The following ITGA1 variants were observed in gnomAD, a reference collection of about 807,000 sequenced individuals.
ITGA1 encodes the protein integrin subunit alpha 1, also known as integrin alpha-1.
In ITGA1, 85 loss-of-function variants were observed where a neutral mutation model predicts 145.9. The ratio of observed to expected loss-of-function variants is 0.58; its 90% CI spans 0.49 to 0.70. The LOEUF (loss-of-function observed/expected upper bound fraction) is 0.70. ITGA1 is among the 30% of genes least tolerant of loss of function. The pLI is 0.00. For missense variants in ITGA1, 1,351 were observed against 1,418.7 expected (o/e 0.95, Z 0.77); for synonymous variants, 520 against 495.3 (o/e 1.05, Z -0.66).
In ITGA1 at chr5:52,909,055, A is replaced by T. The variant is rs1750457604; in HGVS notation, c.1599+14A>T. The T allele has an allele frequency of 6.3e-7, 1 of 1,597,528 alleles. No individual in the cohort carries two copies. The highest frequency in any genetic ancestry group is 8.5e-7 in the Non-Finnish European group (1 of 1,175,470). ...GCTCTCAATCAGGTAATGGTGTCTGAGTTTGGTAGAAATCCAGGAAAATCT... is the reference window on the plus strand; with the variant it reads ...GCTCTCAATCAGGTAATGGTGTCTGTGTTTGGTAGAAATCCAGGAAAATCT... On this transcript the variant is annotated intron_variant, in intron 13 of 28. Transcript: ENST00000282588.
At position 52,955,491 on chromosome 5, in the gene ITGA1, A is replaced by G. The variant is rs912180325; in HGVS notation, c.*3040A>G. On this transcript the variant is annotated 3_prime_UTR_variant, in exon 29 of 29. Coordinates refer to ENST00000282588, the MANE Select transcript of ITGA1 (RefSeq NM_181501.2). ...CAAAAGTACTGATTATATCAAGCCC[A>G]GTAAACATAATGCTACACAGCACCC... 5 of 152,228 alleles carry G rather than the reference A, an allele frequency of 3.3e-5. No individual in the cohort carries two copies. The highest frequency in any genetic ancestry group is 1.2e-4 in the African/African-American group (5 of 41,458). 9.4% of individuals were successfully genotyped at this position (152,228 alleles called of 1,614,324 possible).
chr5:52,888,182 T>C (rs1031880550), intron 8 of ITGA1, among the ~76,000 whole-genome samples: 3 of 141,848 alleles, frequency 2.1e-5, no homozygotes, highest in African/African-American at 7.9e-5. Context: ...CAAACAATCA[T>C]TGAAAGGAAG....
At chr5:52,815,650 A>G (rs776656753) in intron 1 of ITGA1, among the ~76,000 whole-genome samples, 43 of 152,174 alleles carry the variant, frequency 2.8e-4, no homozygotes, top group Non-Finnish European at 1.5e-4. Flanking sequence ...CTCCTTCCCT[A>G]TGTTTGGAAA....
intron 1 of ITGA1, chr5:52,801,705 C>T (rs374093472): frequency 4.3e-6 from 7 of 1,614,030 alleles, no homozygotes; most frequent in Non-Finnish European, 5.9e-6. Flanking sequence ...AGAATGCAGG[C>T]ACCGTTAGGA....
At chr5:52,799,615 C>G (rs1308220564) in intron 1 of ITGA1, among the ~76,000 whole-genome samples, 3 of 152,206 alleles carry the variant, frequency 2.0e-5, no homozygotes, top group Non-Finnish European at 2.9e-5. Flanking sequence ...CAGCTGGACA[C>G]GTTGCTGGGA....
intron 8 of ITGA1, 85 bp downstream of exon 8, chr5:52,888,050 C>A: frequency 1.5e-6 from 2 of 1,377,180 alleles, no homozygotes; most frequent in Non-Finnish European, 2.0e-6. Flanking sequence ...GAAAGTCACA[C>A]AAACCAGGTT....
At position 52,922,099 on chromosome 5, in the gene ITGA1, G is replaced by A. The variant is rs138335549; in HGVS notation, c.2293-678G>A. On this transcript the variant is annotated intron_variant, in intron 17 of 28. Transcript: ENST00000282588. Reference sequence around the variant, plus strand: ...GTGGATCACCTGAGGTCAGGAGTTCGAGACCAGCCTGGCCAACGTGGTGAA... The same window carrying A: ...GTGGATCACCTGAGGTCAGGAGTTCAAGACCAGCCTGGCCAACGTGGTGAA... 4.2e-3 allele frequency among the ~76,000 whole-genome samples: 632 copies of A among 152,128 alleles called. 1 individual carries two copies. Among genetic ancestry groups the A allele is most frequent in the Non-Finnish European group, 7.6e-3 (515 of 68,014 alleles).
intron 11 of ITGA1, chr5:52,901,996 T>C (rs1458217663): frequency 6.6e-6 from 1 of 150,886 alleles, no homozygotes; most frequent in Non-Finnish European, 1.5e-5. Context: ...ATACCTTGTG[T>C]TTTTTTTCAC....
chr5:52,939,748 A>T, intron 25 of ITGA1, 57 bp downstream of exon 25: 1 of 1,465,688 alleles, frequency 6.8e-7, no homozygotes, highest in African/African-American at 1.4e-5. Flanking sequence ...TAAAATTGAT[A>T]TCAATCTAGA....
intron 8 of ITGA1, among the ~76,000 whole-genome samples, chr5:52,892,854 T>C (rs2111823319): frequency 6.6e-6 from 1 of 152,104 alleles, no homozygotes; most frequent in East Asian, 1.9e-4. Context: ...AGGGATTGAC[T>C]ATAGGGGCAG....
At chr5:52,950,013 C>T (rs909397317) in intron 28 of ITGA1, among the ~76,000 whole-genome samples, 3 of 152,198 alleles carry the variant, frequency 2.0e-5, no homozygotes, top group Non-Finnish European at 4.4e-5. Flanking sequence ...CAGAGATTCA[C>T]TTTCAAAAGA....
At chr5:52,864,605 A>C (rs888996580) in intron 3 of ITGA1, among the ~76,000 whole-genome samples, 158 bp from the exon 4 acceptor site, 8 of 152,188 alleles carry the variant, frequency 5.3e-5, no homozygotes, top group African/African-American at 1.9e-4. Context: ...TAGCTTGTTC[A>C]TTATATTCCT....
chr5:52,788,767 T>C (rs1049608046), intron 1 of ITGA1, among the ~76,000 whole-genome samples: 1 of 152,130 alleles, frequency 6.6e-6, no homozygotes, highest in African/African-American at 2.4e-5. Flanking sequence ...TTTTATGGCA[T>C]GGGATGGGAG....
intron 7 of ITGA1, among the ~76,000 whole-genome samples, chr5:52,882,253 A>G (rs1749973031): frequency 6.6e-6 from 1 of 152,174 alleles, no homozygotes; most frequent in African/African-American, 2.4e-5. Flanking sequence ...TAGAGAATCC[A>G]TTTTAAAATA....
intron 19 of ITGA1, 72 bp downstream of exon 19, chr5:52,925,559 A>G (rs190452296): frequency 3.6e-6 from 4 of 1,121,536 alleles, no homozygotes; most frequent in Non-Finnish European, 5.3e-6. Context: ...TGCTACTGAG[A>G]TAATTGCTTT....
intron 2 of ITGA1, among the ~76,000 whole-genome samples, chr5:52,856,714 A>AG (rs1749519184): frequency 7.1e-6 from 1 of 140,768 alleles, no homozygotes; most frequent in African/African-American, 2.7e-5. Context: ...GAGAGAGAGA[A>AG]GCCACTAGGT....
At chr5:52,940,323 C>T (rs1409256455) in intron 26 of ITGA1, among the ~76,000 whole-genome samples, 1 of 151,846 alleles carries the variant, frequency 6.6e-6, no homozygotes, top group Admixed American at 6.6e-5. Context: ...AAGGAAAGAG[C>T]TAACATATAC....
intron 11 of ITGA1, among the ~76,000 whole-genome samples, chr5:52,901,384 C>A (rs1750311696): frequency 6.6e-6 from 1 of 152,176 alleles, no homozygotes; most frequent in Non-Finnish European, 1.5e-5. Context: ...ATAAAAAGTT[C>A]ATGATGCTTT....
intron 1 of ITGA1, chr5:52,801,561 C>T: frequency 2.5e-6 from 4 of 1,614,128 alleles, no homozygotes; most frequent in Middle Eastern, 1.6e-4. Context: ...ATCGAGCTTT[C>T]TATGGACTCA....
Sources: gnomAD v4.1 joint callset for allele counts (sites outside exome capture counted in the v4.1 genomes callset) on GRCh38, gnomAD v4.1.1 for gene constraint, MANE v1.5 for transcripts, NCBI Gene and HGNC (gene_info 2026-07-23, HGNC 2026-07-21) for gene names.